Variants in CAMK1D observed in about 807,000 individuals in gnomAD.
CAMK1D encodes the protein calcium/calmodulin-dependent protein kinase type 1D.
A neutral mutation model predicts 47.7 loss-of-function variants in CAMK1D; 9 were observed. The ratio of observed to expected loss-of-function variants is 0.19; its 90% CI spans 0.11 to 0.33. CAMK1D has a LOEUF of 0.33. CAMK1D is among the 10% of genes least tolerant of loss of function. The probability of loss-of-function intolerance (pLI) is 1.00; values close to 1 mark genes in which losing one functional copy is unlikely to be tolerated. For missense variants in CAMK1D, 291 were observed against 488.7 expected (o/e 0.60, Z 3.81); for synonymous variants, 184 against 184.9 (o/e 0.99, Z 0.04).
chr10:12,692,635 A>T (rs987032858), intron 3 of CAMK1D, among the ~76,000 whole-genome samples: 3 of 152,234 alleles, frequency 2.0e-5, no homozygotes, highest in African/African-American at 7.2e-5. Flanking sequence ...TAGCCAAAAC[A>T]ATTTAAAAAT....
intron 2 of CAMK1D, among the ~76,000 whole-genome samples, chr10:12,590,042 C>T (rs74119223): frequency 6.6e-6 from 1 of 152,118 alleles, no homozygotes; most frequent in Non-Finnish European, 1.5e-5. Flanking sequence ...CAACCGCAAG[C>T]TGATCCTTCT....
intron 2 of CAMK1D, among the ~76,000 whole-genome samples, chr10:12,588,615 T>C (rs1361480556): frequency 6.6e-6 from 1 of 152,086 alleles, no homozygotes; most frequent in Non-Finnish European, 1.5e-5. Flanking sequence ...CACCTGCACC[T>C]GCTCAACGCT....
At chr10:12,738,720 T>C (rs1161518351) in intron 3 of CAMK1D, among the ~76,000 whole-genome samples, 2 of 151,772 alleles carry the variant, frequency 1.3e-5, no homozygotes, top group Non-Finnish European at 2.9e-5. Context: ...TAATCCCAGC[T>C]ACTCAGGAGG....
At position 12,615,692 on chromosome 10, in the gene CAMK1D, G is replaced by A. The variant is rs143036481; in HGVS notation, c.225-51044G>A. 4.0e-5 allele frequency among the ~76,000 whole-genome samples: 6 copies of A among 150,236 alleles called. No homozygotes were observed. The East Asian group carries it at 1.2e-3, about 29-fold the overall frequency. On this transcript the variant is annotated intron_variant, in intron 2 of 10. Transcript: ENST00000619168. ...GTGTATTTGTGTATAGGTGTGTGTG[G>A]TTTGTAGGTGTCTATAGATGTGTAG...
At chr10:12,362,428 C>CT (rs146092906) in intron 1 of CAMK1D, among the ~76,000 whole-genome samples, 19,216 of 152,182 alleles carry the variant, frequency 0.13, 1,878 homozygotes, top group African/African-American at 0.27. Context: ...GCTCTAGTGT[C>CT]TGATATAAAA....
intron 1 of CAMK1D, among the ~76,000 whole-genome samples, chr10:12,455,408 A>G (rs1833212615): frequency 6.6e-6 from 1 of 152,190 alleles, no homozygotes; most frequent in Non-Finnish European, 1.5e-5. Context: ...TACTGGGCTC[A>G]AGCAGTTCGC....
At chr10:12,417,540 G>C (rs1428374337) in intron 1 of CAMK1D, among the ~76,000 whole-genome samples, 1 of 152,202 alleles carries the variant, frequency 6.6e-6, no homozygotes, top group Non-Finnish European at 1.5e-5. Flanking sequence ...TGGGGCTCCG[G>C]CTGGGGTGGG....
chr10:12,486,815 G>A lies in CAMK1D; in HGVS notation c.93-66410G>A, dbSNP rs551414083. 4.6e-5 allele frequency among the ~76,000 whole-genome samples: 7 copies of A among 152,292 alleles called. No homozygotes were observed. The South Asian group carries it at 1.4e-3, about 32-fold the overall frequency. On this transcript the variant is annotated intron_variant, in intron 1 of 10. Transcript: ENST00000619168. The stretch of plus-strand genomic sequence containing the variant: ...TTACCAGGCACTGTGGTTCATGCCT[G>A]TAGTCTCAGCTACTTGGGAGGCTGA...
intron 2 of CAMK1D, among the ~76,000 whole-genome samples, chr10:12,560,864 C>T (rs2132289897): frequency 6.6e-6 from 1 of 152,018 alleles, no homozygotes; most frequent in Non-Finnish European, 1.5e-5. Context: ...CAATTCTAGA[C>T]ACTTGGATAC....
intron 2 of CAMK1D, among the ~76,000 whole-genome samples, chr10:12,598,531 T>C (rs1204375530): frequency 1.3e-5 from 2 of 152,214 alleles, no homozygotes; most frequent in Non-Finnish European, 2.9e-5. Context: ...GAAATCTGTT[T>C]CGGGTCACAC....
At chr10:12,460,997 A>G (rs978876446) in intron 1 of CAMK1D, among the ~76,000 whole-genome samples, 19 of 152,324 alleles carry the variant, frequency 1.2e-4, no homozygotes, top group African/African-American at 4.6e-4. Flanking sequence ...CCTGGTAGAT[A>G]AAGGAAAAAA....
At chr10:12,537,051 G>T (rs965360251) in intron 1 of CAMK1D, among the ~76,000 whole-genome samples, 1 of 151,966 alleles carries the variant, frequency 6.6e-6, no homozygotes. Flanking sequence ...AATCTCTGTT[G>T]TTTTTGTGGG....
At chr10:12,747,653 A>G (rs1204123759) in intron 3 of CAMK1D, among the ~76,000 whole-genome samples, 4 of 152,208 alleles carry the variant, frequency 2.6e-5, no homozygotes, top group African/African-American at 7.2e-5. Flanking sequence ...GATATAAACA[A>G]TTGACTTACA....
intron 2 of CAMK1D, among the ~76,000 whole-genome samples, chr10:12,572,991 A>G (rs1049895004): frequency 2.0e-5 from 3 of 152,230 alleles, no homozygotes; most frequent in Non-Finnish European, 4.4e-5. Flanking sequence ...TCTGCGAGTC[A>G]TAGGAGGTCA....
intron 1 of CAMK1D, among the ~76,000 whole-genome samples, chr10:12,518,070 A>T (rs2148793): frequency 0.29 from 43,439 of 152,052 alleles, 6,417 homozygotes; most frequent in East Asian, 0.38. Flanking sequence ...TCTTTACTAG[A>T]TACAGTAGTA....
chr10:12,358,109 C>T (rs1194800394), intron 1 of CAMK1D, among the ~76,000 whole-genome samples: 1 of 152,114 alleles, frequency 6.6e-6, no homozygotes, highest in African/African-American at 2.4e-5. Context: ...ACTGTAATCC[C>T]AGCACTTTGG....
intron 2 of CAMK1D, among the ~76,000 whole-genome samples, chr10:12,661,457 T>C (rs1257923385): frequency 6.6e-6 from 1 of 152,244 alleles, no homozygotes; most frequent in East Asian, 1.9e-4. Flanking sequence ...CCTTCCTTAT[T>C]TTCTCCTCTT....
At chr10:12,778,816 C>T (rs1837374600) in intron 5 of CAMK1D, among the ~76,000 whole-genome samples, 2 of 151,908 alleles carry the variant, frequency 1.3e-5, no homozygotes, top group African/African-American at 4.8e-5. Context: ...GAGGCAACGG[C>T]GAACTATAAG....
intron 1 of CAMK1D, among the ~76,000 whole-genome samples, chr10:12,525,497 T>C (rs1317982936): frequency 6.6e-6 from 1 of 152,226 alleles, no homozygotes; most frequent in Non-Finnish European, 1.5e-5. Flanking sequence ...TACGTTTTGT[T>C]ATTTTTACTC....
Sources: allele counts gnomAD v4.1 joint callset (sites outside exome capture counted in the v4.1 genomes callset), GRCh38; gene constraint gnomAD v4.1.1; transcripts MANE v1.5; gene names NCBI Gene and HGNC (gene_info 2026-07-23, HGNC 2026-07-21).